AMOT: variants seen among roughly 807,000 people sequenced by gnomAD.
AMOT encodes angiomotin.
Under a neutral mutation model 67.0 loss-of-function variants are expected in AMOT, and 11 were observed. The observed-to-expected ratio is 0.16, with a 90% CI of 0.10 to 0.27. The LOEUF (loss-of-function observed/expected upper bound fraction) is 0.27. Ranked by LOEUF, AMOT falls within the 10% of genes least tolerant of loss-of-function variation. The pLI, the probability that AMOT is intolerant of heterozygous loss-of-function variation, is 1.00. For synonymous variants in AMOT, 326 were observed against 321.4 expected, an observed-to-expected ratio of 1.01 and a Z score of -0.15; for missense variants, 753 against 852.0, an observed-to-expected ratio of 0.88 and a Z score of 1.45.
chrX:112,779,301 G>T lies in AMOT; in HGVS notation c.2853C>A (p.Ala951=). 1.5e-6 allele frequency: 1 copy of T among 685,110 alleles called. No homozygotes were observed. Among genetic ancestry groups the T allele is most frequent in the Non-Finnish European group, 2.3e-6 (1 of 431,575 alleles). 56.5% of individuals were successfully genotyped at this position (685,110 alleles called of 1,213,427 possible). The change falls in exon 13 of 14, where the codon GCC becomes GCA. Residue 951 remains alanine, a synonymous_variant. Coordinates refer to ENST00000371959, the MANE Select transcript of AMOT (RefSeq NM_001113490.2). The part of the protein sequence containing the change: ...PAAAGQIPAA[A]SVASAAAVAP... ...CAACGGCAGCAGCTGAGGCAACAGA[G>T]GCAGCAGCTGGAATCTGACCAGCAG...
intron 3 of AMOT, among the ~76,000 whole-genome samples, 177 bp from the exon 4 acceptor site, chrX:112,823,365 C>T (rs1478388428): frequency 8.9e-6 from 1 of 111,750 alleles, no homozygotes; most frequent in Non-Finnish European, 1.9e-5. Flanking sequence ...TGATGAAGAA[C>T]ATGGAGGCAT....
intron 8 of AMOT, among the ~76,000 whole-genome samples, chrX:112,796,860 T>C (rs955290056): frequency 9.0e-6 from 1 of 111,670 alleles, no homozygotes; most frequent in African/African-American, 3.3e-5. Context: ...GGGGTGCTAC[T>C]GGCATTTGGT....
At chrX:112,796,612 T>C (rs1859339791) in intron 8 of AMOT, among the ~76,000 whole-genome samples, 1 of 112,344 alleles carries the variant, frequency 8.9e-6, no homozygotes, top group Non-Finnish European at 1.9e-5. Context: ...TTTCTTAATG[T>C]AGATCCCTAA....
intron 8 of AMOT, among the ~76,000 whole-genome samples, chrX:112,802,391 A>G (rs1602782540): frequency 8.9e-6 from 1 of 112,729 alleles, no homozygotes; most frequent in African/African-American, 3.2e-5. Flanking sequence ...GAGCAAATCC[A>G]GCTCTGAGAG....
chrX:112,809,839 C>T (rs1194642527), intron 7 of AMOT, 55 bp downstream of exon 7: 26 of 1,025,435 alleles, frequency 2.5e-5, no homozygotes, highest in South Asian at 3.9e-5. Context: ...AATCTTTTCA[C>T]GCACCTTGCT....
intron 10 of AMOT, among the ~76,000 whole-genome samples, chrX:112,784,791 G>A (rs1933315032): frequency 8.9e-6 from 1 of 112,366 alleles, no homozygotes; most frequent in African/African-American, 3.2e-5. Flanking sequence ...GGGCCTTAGA[G>A]CCAGGACTGT....
At position 112,779,496 on chromosome X, in the gene AMOT, T is replaced by C. The variant is rs947970479; in HGVS notation, c.2658A>G (p.Pro886=). 3 of 1,208,005 alleles carry C rather than the reference T, an allele frequency of 2.5e-6. No individual in the cohort carries two copies. The African/African-American group carries it at 5.3e-5, about 21-fold the overall frequency. Residue 886 remains proline (P), a synonymous_variant, in exon 13 of 14, where the codon CCA becomes CCG. Coordinates refer to ENST00000371959, the MANE Select transcript of AMOT (RefSeq NM_001113490.2). ...AAVAPISVPA[P]VAAAATAAAI... is the part of the protein sequence containing the mutation. ...CGGCAGCAGTGGCGGCAGCAGCAAC[T>C]GGAGCAGGAACAGAGATGGGAGCAA...
At position 112,777,070 on chromosome X, in the gene AMOT, C is replaced by T. The variant is rs1049527278; in HGVS notation, c.*1497G>A. On this transcript the variant is annotated 3_prime_UTR_variant, in exon 14 of 14. Coordinates refer to ENST00000371959, the MANE Select transcript of AMOT (RefSeq NM_001113490.2). ...CACTATGGCTCATGATGTAATATAT[C>T]AGGCCTACTCTTCTATTAATCTGGT... 5 of 111,071 alleles carry T rather than the reference C, an allele frequency of 4.5e-5. No individual in the cohort carries two copies. The highest frequency in any genetic ancestry group is 3.8e-4 in the Admixed American group (4 of 10,471). 9.2% of individuals were successfully genotyped at this position (111,071 alleles called of 1,213,427 possible).
rs200590459 is a variant in AMOT, at chrX:112,825,797, C to T, written c.-211-577G>A. On this transcript the variant is annotated intron_variant, in intron 2 of 13. Coordinates refer to ENST00000371959, the MANE Select transcript of AMOT (RefSeq NM_001113490.2). Reference sequence around the variant, plus strand: ...ATCAACTATTCCACACATTTGTCAGCCTCATACTAGACACAATAAGGGCTA... The same window carrying T: ...ATCAACTATTCCACACATTTGTCAGTCTCATACTAGACACAATAAGGGCTA... 2.0e-4 allele frequency among the ~76,000 whole-genome samples: 22 copies of T among 110,058 alleles called. No individual in the cohort carries two copies. In the East Asian group the frequency reaches 6.1e-3, roughly 30 times the overall value.
Position 112,840,585 on chromosome X carries a change from C to G in AMOT, c.-422G>C, listed in dbSNP as rs910198123. On this transcript the variant is annotated 5_prime_UTR_variant, in exon 1 of 14. Transcript: ENST00000371959. The stretch of plus-strand genomic sequence containing the variant: ...TCCCCTCCTCGCTGCTCCGTCCGGG[C>G]TCTCCTTGGTGGCAGCGGACAGGCA... 1 of 113,244 alleles carries G rather than the reference C, an allele frequency of 8.8e-6. No individual in the cohort carries two copies. 9.3% of individuals were successfully genotyped at this position (113,244 alleles called of 1,213,427 possible). A position where few individuals can be genotyped will look rare whatever the true frequency, so the allele number is the denominator to read the frequency against.
chrX:112,809,035 T>C (rs969441884), intron 7 of AMOT, among the ~76,000 whole-genome samples: 1 of 111,612 alleles, frequency 9.0e-6, no homozygotes, highest in Non-Finnish European at 1.9e-5. Flanking sequence ...AAAGGGTCAT[T>C]TGGAGACCTA....
intron 11 of AMOT, among the ~76,000 whole-genome samples, chrX:112,781,708 C>T (rs190237030): frequency 9.0e-6 from 1 of 110,755 alleles, no homozygotes; most frequent in Non-Finnish European, 1.9e-5. Flanking sequence ...AAAAAAAAGG[C>T]TGAATATGAG....
At chrX:112,824,839 C>A (rs917274348) in intron 3 of AMOT, among the ~76,000 whole-genome samples, 2 of 111,275 alleles carry the variant, frequency 1.8e-5, no homozygotes, top group African/African-American at 6.6e-5. Flanking sequence ...AATTACTTTT[C>A]CCTGCTCACA....
intron 10 of AMOT, among the ~76,000 whole-genome samples, chrX:112,789,706 CTG>C (rs988716688): frequency 9.0e-6 from 1 of 110,640 alleles, no homozygotes; most frequent in African/African-American, 3.3e-5. Flanking sequence ...AAAAACAACA[CTG>C]TGGTTTTTAA....
At chrX:112,794,735 T>C (rs1933739288) in intron 8 of AMOT, among the ~76,000 whole-genome samples, 1 of 112,568 alleles carries the variant, frequency 8.9e-6, no homozygotes, top group Admixed American at 9.4e-5. Context: ...TGTATCTTTA[T>C]ATGGATCAAA....
Position 112,775,183 on chromosome X carries a change from G to C in AMOT, c.*3384C>G, listed in dbSNP as rs908488831. On this transcript the variant is annotated 3_prime_UTR_variant, in exon 14 of 14. Transcript: ENST00000371959. The stretch of plus-strand genomic sequence containing the variant: ...CCCGACACTTGTCCTACTGATGATG[G>C]ATGGCACTTGGAAGACATATTTCCA... The C allele has an allele frequency of 8.9e-6, 1 of 112,511 alleles. No homozygotes were observed. The highest frequency in any genetic ancestry group is 9.4e-5 in the Admixed American group (1 of 10,585). 9.3% of individuals were successfully genotyped at this position (112,511 alleles called of 1,213,427 possible). A position where few individuals can be genotyped will look rare whatever the true frequency, so the allele number is the denominator to read the frequency against.
In AMOT at chrX:112,779,376, G is replaced by T; in HGVS notation, c.2778C>A (p.Ala926=). 9.9e-7 allele frequency: 1 copy of T among 1,008,114 alleles called. No homozygotes were observed. The allele number at this position is 1,008,114 out of a possible 1,213,427, so 83.1% of individuals were successfully genotyped here. ...AAAAAPAAAA[A]PSPATAAATA... ...TAGCAGCGGCAGTGGCTGGAGACGG[G>T]GCAGCAGCAGCAGCTGGAGCAGCAG... is the stretch of plus-strand genomic sequence containing the variant. The change falls in exon 13 of 14, where the codon GCC becomes GCA. Residue 926 remains alanine (A), a synonymous_variant. Transcript: ENST00000371959.
intron 4 of AMOT, among the ~76,000 whole-genome samples, chrX:112,818,837 C>T (rs746169136): frequency 2.7e-5 from 3 of 111,141 alleles, no homozygotes; most frequent in Non-Finnish European, 5.7e-5. Flanking sequence ...GCCTGAATCG[C>T]TCCCCACTGA....
In AMOT at chrX:112,791,916, C is replaced by T; in HGVS notation, c.1842G>A (p.Gln614=). 1 of 1,211,971 alleles carries T rather than the reference C, an allele frequency of 8.3e-7. No individual in the cohort carries two copies. Among genetic ancestry groups the T allele is most frequent in the Non-Finnish European group, 1.1e-6 (1 of 895,521 alleles). Residue 614 remains glutamine (Q), a synonymous_variant, in exon 9 of 14, where the codon CAG becomes CAA. Transcript: ENST00000371959. ...GCTGCTCACGTTTTTCACATGCTGC[C>T]TGGAGCTGTACAAGGGCCTGCTGCA... ...EKMQQALVQL[Q]AACEKREQLE...
Sources: gnomAD v4.1 joint callset for allele counts (sites outside exome capture counted in the v4.1 genomes callset) on GRCh38, gnomAD v4.1.1 for gene constraint, MANE v1.5 for transcripts, NCBI Gene and HGNC (gene_info 2026-07-23, HGNC 2026-07-21) for gene names.